Variants in ADAMTS12 observed in about 807,000 individuals in gnomAD.
ADAMTS12 encodes the protein A disintegrin and metalloproteinase with thrombospondin motifs 12.
ADAMTS12 carries 118 observed loss-of-function variants against 167.8 expected under a neutral mutation model. The ratio of observed to expected loss-of-function variants is 0.70; its 90% CI spans 0.61 to 0.82. The LOEUF (loss-of-function observed/expected upper bound fraction) is 0.82, where lower values mean the gene tolerates loss of function less well. ADAMTS12 is among the 40% of genes least tolerant of loss of function. The pLI, the probability that ADAMTS12 is intolerant of heterozygous loss-of-function variation, is 0.00. For synonymous variants in ADAMTS12, 704 were observed against 716.9 expected (o/e 0.98, Z 0.29); for missense variants, 1,916 against 1,998.8 (o/e 0.96, Z 0.79).
chr5:33,645,148 TTATTA>T lies in ADAMTS12; in HGVS notation c.1480-1683_1480-1679del, dbSNP rs1740615270. 5.0e-4 allele frequency among the ~76,000 whole-genome samples: 4 copies of T among 7,972 alleles called. No individual in the cohort carries two copies. In the South Asian group the frequency reaches 0.026, roughly 52 times the overall value. The allele number at this position is 7,972 out of a possible 152,430, so 5.2% of individuals were successfully genotyped here. ...ATCTCCAGGACAAATGCTTTATTTA[TTATTA>T]TTATTATTATTATTATTATTATTAT... On this transcript the variant is annotated intron_variant, in intron 9 of 23. Transcript: ENST00000504830.
chr5:33,559,978 G>A (rs1375378641), intron 20 of ADAMTS12, among the ~76,000 whole-genome samples: 1 of 152,152 alleles, frequency 6.6e-6, no homozygotes, highest in African/African-American at 2.4e-5. Context: ...TTCATTTTGG[G>A]TCTGGAAGAT....
At position 33,622,788 on chromosome 5, in the gene ADAMTS12, A is replaced by G. The variant is rs146336739; in HGVS notation, c.2143+1443T>C. 5.8e-3 allele frequency among the ~76,000 whole-genome samples: 880 copies of G among 152,388 alleles called. 30 individuals are homozygous for G. Among genetic ancestry groups the G allele is most frequent in the Admixed American group, 0.054 (823 of 15,306 alleles). On this transcript the variant is annotated intron_variant, in intron 14 of 23. Transcript: ENST00000504830. ...TACAAAACACCTTTGTAAAGCTTGT[A>G]AAAACATTGGCTATCATAGGGTGCT...
chr5:33,717,012 G>C (rs369426519), intron 3 of ADAMTS12, among the ~76,000 whole-genome samples: 1 of 152,194 alleles, frequency 6.6e-6, no homozygotes, highest in Non-Finnish European at 1.5e-5. Context: ...GGAAAAACTG[G>C]GAACATGCAT....
At chr5:33,625,359 G>A (rs759871160) in intron 13 of ADAMTS12, among the ~76,000 whole-genome samples, 19 of 151,748 alleles carry the variant, frequency 1.3e-4, no homozygotes, top group Non-Finnish European at 2.2e-4. Flanking sequence ...AAAAAGCAAT[G>A]TGGGAAACAG....
chr5:33,637,096 C>G (rs1374137499), intron 12 of ADAMTS12, among the ~76,000 whole-genome samples: 3 of 152,166 alleles, frequency 2.0e-5, no homozygotes, highest in Admixed American at 6.5e-5. Context: ...TGAATGTCTT[C>G]CCTTTTCTTT....
At chr5:33,626,908 T>C (rs1212417328) in intron 13 of ADAMTS12, among the ~76,000 whole-genome samples, 1 of 149,666 alleles carries the variant, frequency 6.7e-6, no homozygotes, top group South Asian at 2.1e-4. Flanking sequence ...ATGGTGGTGA[T>C]GGTAGTGGTG....
chr5:33,803,764 T>C (rs951331331), intron 2 of ADAMTS12, among the ~76,000 whole-genome samples: 6 of 152,162 alleles, frequency 3.9e-5, no homozygotes, highest in African/African-American at 1.4e-4. Flanking sequence ...CAAGAGGGTG[T>C]GTGCAGGGGA....
intron 2 of ADAMTS12, among the ~76,000 whole-genome samples, chr5:33,786,021 G>T (rs1246999078): frequency 6.6e-6 from 1 of 152,114 alleles, no homozygotes; most frequent in Non-Finnish European, 1.5e-5. Context: ...CAACATAAAT[G>T]AACCTCAAAA....
At chr5:33,674,148 C>G (rs759879435) in intron 5 of ADAMTS12, among the ~76,000 whole-genome samples, 1 of 152,090 alleles carries the variant, frequency 6.6e-6, no homozygotes, top group African/African-American at 2.4e-5. Context: ...AGGATGCACA[C>G]CACCCATGAA....
In ADAMTS12 at chr5:33,637,679, A is replaced by G. The variant is rs374522389; in HGVS notation, c.1786T>C (p.Cys596Arg). The G allele has an allele frequency of 5.6e-6, 9 of 1,613,800 alleles. No individual in the cohort carries two copies. Among genetic ancestry groups the G allele is most frequent in the Non-Finnish European group, 6.8e-6 (8 of 1,179,756 alleles). Reference sequence around the variant, plus strand: ...CGAAATGTTGGTGCCTCTGAGCGACAGGGGTGGACGTTGCACAAGCGATAG... The same window carrying G: ...CGAAATGTTGGTGCCTCTGAGCGACGGGGGTGGACGTTGCACAAGCGATAG... ...KRYRLCNVHP[C>R]RSEAPTFRQM... The change falls in exon 12 of 24, where the codon TGT becomes CGT. Residue 596 changes from cysteine (C) to arginine (R), a missense_variant. Coordinates refer to ENST00000504830, the MANE Select transcript of ADAMTS12 (RefSeq NM_030955.4).
chr5:33,662,592 C>T (rs1741296553), intron 5 of ADAMTS12, among the ~76,000 whole-genome samples: 1 of 152,140 alleles, frequency 6.6e-6, no homozygotes, highest in African/African-American at 2.4e-5. Flanking sequence ...AGAATTGGTC[C>T]TCTGACAACA....
At chr5:33,585,358 C>T (rs1747293759) in intron 18 of ADAMTS12, among the ~76,000 whole-genome samples, 1 of 152,200 alleles carries the variant, frequency 6.6e-6, no homozygotes, top group African/African-American at 2.4e-5. Flanking sequence ...TATCATGTTG[C>T]TCTCTGCTCC....
Position 33,658,329 on chromosome 5 carries a change from C to T in ADAMTS12, c.1045G>A (p.Asp349Asn). 6.2e-7 allele frequency: 1 copy of T among 1,613,182 alleles called. No homozygotes were observed. The highest frequency in any genetic ancestry group is 8.5e-7 in the Non-Finnish European group (1 of 1,179,390). The change falls in exon 7 of 24, where the codon GAC becomes AAC. Residue 349 changes from aspartate to asparagine, a missense_variant. Transcript: ENST00000504830. ...HDVAVLLTRKDICAGFNRPCE... is the reference protein window; with the variant it reads ...HDVAVLLTRKNICAGFNRPCE... The stretch of plus-strand genomic sequence containing the variant: ...GGGCGATTGAAACCAGCACAGATGT[C>T]CTTTCTGAAAGCAGAGAATACAGAA...
At chr5:33,841,779 G>T (rs994160023) in intron 2 of ADAMTS12, among the ~76,000 whole-genome samples, 2 of 152,210 alleles carry the variant, frequency 1.3e-5, no homozygotes, top group African/African-American at 2.4e-5. Flanking sequence ...AATGCAAGAA[G>T]GAGCATTTGT....
intron 3 of ADAMTS12, among the ~76,000 whole-genome samples, chr5:33,734,042 C>T (rs1027038236): frequency 7.9e-6 from 1 of 127,206 alleles, no homozygotes; most frequent in Non-Finnish European, 1.7e-5. Context: ...CACACACACA[C>T]ACAGAGTAAG....
chr5:33,544,689 G>A (rs1398128574), intron 22 of ADAMTS12, among the ~76,000 whole-genome samples: 1 of 152,058 alleles, frequency 6.6e-6, no homozygotes, highest in Non-Finnish European at 1.5e-5. Context: ...ACAGAACAGA[G>A]GCCTCAGAAA....
intron 3 of ADAMTS12, among the ~76,000 whole-genome samples, chr5:33,749,963 C>A (rs947951697): frequency 3.3e-5 from 5 of 152,156 alleles, no homozygotes; most frequent in African/African-American, 1.2e-4. Context: ...CAGTCAAGAT[C>A]ACTCACTGTC....
chr5:33,716,230 T>C (rs546651087), intron 3 of ADAMTS12, among the ~76,000 whole-genome samples: 2 of 152,182 alleles, frequency 1.3e-5, no homozygotes, highest in African/African-American at 4.8e-5. Flanking sequence ...AATGGTACCA[T>C]CTTTTAAATG....
chr5:33,777,010 A>G (rs1745936704), intron 2 of ADAMTS12, among the ~76,000 whole-genome samples: 1 of 152,120 alleles, frequency 6.6e-6, no homozygotes, highest in African/African-American at 2.4e-5. Flanking sequence ...CCAGTAGTGA[A>G]TAAGGGATTG....
Sources: allele counts gnomAD v4.1 joint callset (sites outside exome capture counted in the v4.1 genomes callset), GRCh38; gene constraint gnomAD v4.1.1; transcripts MANE v1.5; gene names NCBI Gene and HGNC (gene_info 2026-07-23, HGNC 2026-07-21).